ANKHD1: variants seen among roughly 807,000 people sequenced by gnomAD.
ANKHD1 encodes the protein ankyrin repeat and KH domain-containing protein 1.
ANKHD1 carries 31 observed loss-of-function variants against 230.5 expected under a neutral mutation model. That is an observed-to-expected ratio of 0.13 (90% CI 0.10 to 0.18). The LOEUF (loss-of-function observed/expected upper bound fraction) is 0.18, where lower values mean the gene tolerates loss of function less well. Ranked by LOEUF, ANKHD1 falls within the 10% of genes least tolerant of loss-of-function variation. ANKHD1 has a pLI of 1.00. For missense variants in ANKHD1, 2,256 were observed against 3,071.3 expected, an observed-to-expected ratio of 0.73 and a Z score of 6.27; for synonymous variants, 1,074 against 1,117.6, an observed-to-expected ratio of 0.96 and a Z score of 0.78.
At chr5:140,439,341 GGAA>G (rs1430857215) in intron 3 of ANKHD1, among the ~76,000 whole-genome samples, 4 of 152,018 alleles carry the variant, frequency 2.6e-5, no homozygotes, top group African/African-American at 9.7e-5. Context: ...GGTCTACATT[GGAA>G]GAAGAAGAAT....
At chr5:140,445,538 T>C (rs1009520655) in intron 5 of ANKHD1, among the ~76,000 whole-genome samples, 14 of 146,520 alleles carry the variant, frequency 9.6e-5, no homozygotes, top group Non-Finnish European at 1.5e-4. Flanking sequence ...GTGATGCTTC[T>C]AACCAATGAT....
chr5:140,411,497 G>GTT (rs528063904), intron 1 of ANKHD1, among the ~76,000 whole-genome samples: 8 of 123,610 alleles, frequency 6.5e-5, no homozygotes, highest in Admixed American at 8.2e-5. Flanking sequence ...TGTTGGAAAA[G>GTT]TTTTTTTTTT....
intron 15 of ANKHD1, among the ~76,000 whole-genome samples, chr5:140,500,665 A>AAAAAAAAAAAAAAG (rs748025095): frequency 6.1e-5 from 7 of 115,494 alleles, no homozygotes; most frequent in Admixed American, 1.0e-4. Flanking sequence ...AAAAAAAAAA[A>AAAAAAAAAAAAAAG]AAAAGAAAAG....
chr5:140,452,176 G>A (rs559487278), intron 7 of ANKHD1, among the ~76,000 whole-genome samples: 1 of 152,314 alleles, frequency 6.6e-6, no homozygotes, highest in Non-Finnish European at 1.5e-5. Context: ...CTGGGGGAGG[G>A]GCACCCACCA....
intron 1 of ANKHD1, among the ~76,000 whole-genome samples, chr5:140,424,217 T>TAGAG (rs1298029039): frequency 3.5e-5 from 5 of 144,898 alleles, no homozygotes; most frequent in African/African-American, 1.0e-4. Context: ...ACTATATATA[T>TAGAG]ATAGAGAGAG....
chr5:140,472,230 C>CT, intron 10 of ANKHD1: 2 of 1,610,300 alleles, frequency 1.2e-6, no homozygotes, highest in South Asian at 1.1e-5. Flanking sequence ...CTTCTTTTTC[C>CT]TTTCGCAGGA....
At chr5:140,510,818 CGT>C (rs57422934) in intron 22 of ANKHD1, among the ~76,000 whole-genome samples, 41 of 148,952 alleles carry the variant, frequency 2.8e-4, no homozygotes, top group African/African-American at 6.6e-4. Context: ...CTTCTGTGTG[CGT>C]GTGTGTGTGT....
In ANKHD1 at chr5:140,526,961, A is replaced by T; in HGVS notation, c.4974A>T (p.Ser1658=). ...LEGEVTPNSL[S]TSYKTVSLPL... ...GTGAAGTGACTCCTAATTCCTTGTC[A>T]ACCAGCTACAAGACAGTGTCATTGC... is the stretch of plus-strand genomic sequence containing the variant. Residue 1658 remains serine, a synonymous_variant, in exon 27 of 34, where the codon TCA becomes TCT. Transcript: ENST00000360839. The T allele has an allele frequency of 6.2e-7, 1 of 1,613,192 alleles. No homozygotes were observed.
In ANKHD1 at chr5:140,482,803, A is replaced by C. The variant is rs368431356; in HGVS notation, c.1870+136A>C. ...TTCTTGCCTTTTGTTATTATATTTTATTTAGTAAGCATAGAGTTTGTGAGT... is the reference window on the plus strand; with the variant it reads ...TTCTTGCCTTTTGTTATTATATTTTCTTTAGTAAGCATAGAGTTTGTGAGT... On this transcript the variant is annotated intron_variant, in intron 11 of 33. Coordinates refer to ENST00000360839, the MANE Select transcript of ANKHD1 (RefSeq NM_017747.3). The C allele has an allele frequency of 4.4e-6, 4 of 917,954 alleles. No individual in the cohort carries two copies. The East Asian group carries it at 9.2e-5, about 21-fold the overall frequency. The allele number at this position is 917,954 out of a possible 1,614,324, so 56.9% of individuals were successfully genotyped here.
intron 15 of ANKHD1, among the ~76,000 whole-genome samples, chr5:140,497,877 CCACACACACACACACACACACACA>C (rs36224738): frequency 2.8e-5 from 4 of 144,608 alleles, no homozygotes; most frequent in African/African-American, 7.7e-5. Flanking sequence ...CCACACCACA[CCACACACACACACACACACACACA>C]CACACACACA....
chr5:140,436,583 A>G (rs909358038), intron 2 of ANKHD1, among the ~76,000 whole-genome samples: 3 of 152,030 alleles, frequency 2.0e-5, no homozygotes, highest in African/African-American at 7.2e-5. Flanking sequence ...TGTCTCTACT[A>G]AAATAGAAAA....
Position 140,497,042 on chromosome 5 carries a change from A to T in ANKHD1, c.2768A>T (p.Asp923Val). ...TCTCCACCATCGGCAGAACAGATTG[A>T]TTTTGTCCCAGTCCAGCCTTTATCA... is the stretch of plus-strand genomic sequence containing the variant. ...QQSPPSAEQI[D>V]FVPVQPLSSP... The change falls in exon 15 of 34, where the codon GAT (aspartate) becomes GTT (valine). Residue 923 changes from aspartate to valine, a missense_variant. Physicochemically the swap from Asp to Val is radical, Grantham distance 152 (BLOSUM62 -3). Transcript: ENST00000360839. 1 of 1,614,152 alleles carries T rather than the reference A, an allele frequency of 6.2e-7. No homozygotes were observed. Among genetic ancestry groups the T allele is most frequent in the Non-Finnish European group, 8.5e-7 (1 of 1,179,990 alleles).
intron 1 of ANKHD1, among the ~76,000 whole-genome samples, chr5:140,424,122 T>A (rs948303099): frequency 3.3e-5 from 5 of 152,194 alleles, no homozygotes; most frequent in African/African-American, 1.2e-4. Context: ...ACTAAATTGC[T>A]GTAGTTCTTA....
rs1254678695 is a variant in ANKHD1 at position 140,539,091 on chromosome 5, G to A, written c.7569+8G>A. ...TGCACTGATGCCCAGCAGGTAAAAT[G>A]GGCTTAATGCTCTTTTGTTTTTTAG... On this transcript the variant is annotated splice_region_variant and intron_variant, in intron 33 of 33. Coordinates refer to ENST00000360839, the MANE Select transcript of ANKHD1 (RefSeq NM_017747.3). 4 of 1,597,064 alleles carry A rather than the reference G, an allele frequency of 2.5e-6. No homozygotes were observed. The highest frequency in any genetic ancestry group is 3.4e-6 in the Non-Finnish European group (4 of 1,172,710).
chr5:140,402,050 C>A lies in ANKHD1; in HGVS notation c.83C>A (p.Ala28Asp). 6.7e-7 allele frequency: 1 copy of A among 1,493,064 alleles called. No individual in the cohort carries two copies. The highest frequency in any genetic ancestry group is 8.9e-7 in the Non-Finnish European group (1 of 1,126,644). 92.5% of individuals were successfully genotyped at this position (1,493,064 alleles called of 1,614,324 possible). Residue 28 changes from alanine to aspartate, a missense_variant, in exon 1 of 34, where the codon GCC (alanine) becomes GAC (aspartate). Around this residue, in one of 13 missense-constraint regions of ANKHD1, gnomAD observed 193 missense variants for 185.8 expected, o/e 1.04. Transcript: ENST00000360839. ...SVAPRSAPAGASEPPPPGGVG... is the reference protein window; with the variant it reads ...SVAPRSAPAGDSEPPPPGGVG... Reference sequence around the variant, plus strand: ...GCTCCGCGATCCGCCCCAGCTGGGGCCTCGGAGCCGCCTCCGCCGGGAGGG... The same window carrying A: ...GCTCCGCGATCCGCCCCAGCTGGGGACTCGGAGCCGCCTCCGCCGGGAGGG...
intron 11 of ANKHD1, among the ~76,000 whole-genome samples, chr5:140,483,843 A>G (rs1205346243): frequency 6.6e-6 from 1 of 152,176 alleles, no homozygotes; most frequent in African/African-American, 2.4e-5. Flanking sequence ...TTTGCTGCCA[A>G]GTAAGGCATA....
At chr5:140,406,237 C>CAAA (rs531153182) in intron 1 of ANKHD1, among the ~76,000 whole-genome samples, 2 of 91,094 alleles carry the variant, frequency 2.2e-5, no homozygotes, top group Non-Finnish European at 4.7e-5. Context: ...GACTCTGTCT[C>CAAA]AAAAAAAAAA....
chr5:140,512,793 T>C lies in ANKHD1; in HGVS notation c.4105-35T>C, dbSNP rs555465810. ...TTAAGAATAATAATTTTTCTTTTCA[T>C]GCTACCTTGTCTAAGATTGTTGTAC... is the stretch of plus-strand genomic sequence containing the variant. On this transcript the variant is annotated intron_variant, in intron 22 of 33. Transcript: ENST00000360839. 59 of 1,536,174 alleles carry C rather than the reference T, an allele frequency of 3.8e-5. No homozygotes were observed. In the South Asian group the frequency reaches 7.4e-4, roughly 19 times the overall value.
chr5:140,468,272 A>G (rs1776253485), intron 10 of ANKHD1, among the ~76,000 whole-genome samples: 1 of 150,894 alleles, frequency 6.6e-6, no homozygotes, highest in African/African-American at 2.4e-5. Context: ...TCAAAAAAAA[A>G]ACAAAAAAAA....
Sources: gnomAD v4.1 joint callset for allele counts (sites outside exome capture counted in the v4.1 genomes callset) on GRCh38, gnomAD v4.1.1 for gene constraint, gnomAD v4.1.1 regional missense constraint, MANE v1.5 for transcripts, NCBI Gene and HGNC (gene_info 2026-07-23, HGNC 2026-07-21) for gene names.